Variants in C12orf56 observed in about 807,000 individuals in gnomAD.
C12orf56 encodes the protein uncharacterized protein C12orf56.
In C12orf56, 71 loss-of-function variants were observed where a neutral mutation model predicts 69.9. The observed-to-expected ratio is 1.02, with a 90% CI of 0.84 to 1.24. The LOEUF (loss-of-function observed/expected upper bound fraction) is 1.24. Ranked by LOEUF, C12orf56 falls within the 50% of genes most tolerant of loss-of-function variation. The pLI is 0.00. For synonymous variants in C12orf56, 276 were observed against 274.1 expected (o/e 1.01, Z -0.07); for missense variants, 732 against 738.5 (o/e 0.99, Z 0.10).
intron 6 of C12orf56, among the ~76,000 whole-genome samples, chr12:64,295,058 T>G (rs1344528406): frequency 6.6e-6 from 1 of 152,112 alleles, no homozygotes; most frequent in Admixed American, 6.6e-5. Flanking sequence ...AATTTTTGTA[T>G]TTTTAGTAAA....
intron 6 of C12orf56, among the ~76,000 whole-genome samples, chr12:64,302,472 A>G (rs956484236): frequency 2.6e-5 from 4 of 152,230 alleles, no homozygotes; most frequent in African/African-American, 9.6e-5. Context: ...AGAAGCTAAT[A>G]AATAGCCAGG....
rs149912541 is a variant in C12orf56 at position 64,311,014 on chromosome 12, C to T, written c.968+1665G>A. On this transcript the variant is annotated intron_variant, in intron 5 of 12. Transcript: ENST00000543942. ...ATAGTTTGCTCAGAATGATGGTTTC[C>T]AGCTTCATCCATGTCCCTACAAAGG... 1.8e-3 allele frequency among the ~76,000 whole-genome samples: 270 copies of T among 152,238 alleles called. 2 individuals are homozygous for T. The highest frequency in any genetic ancestry group is 6.3e-3 in the African/African-American group (262 of 41,536).
chr12:64,337,752 G>A lies in C12orf56; in HGVS notation c.416-6720C>T, dbSNP rs562907324. ...CATGCCTGTAATCCCAGCTGCTCAG[G>A]AGGCTGAGGCACAAGAATCACTTGA... On this transcript the variant is annotated intron_variant, in intron 2 of 12. Coordinates refer to ENST00000543942, the MANE Select transcript of C12orf56 (RefSeq NM_001170633.2). 2.0e-5 allele frequency among the ~76,000 whole-genome samples: 3 copies of A among 151,684 alleles called. No homozygotes were observed. The South Asian group carries it at 6.2e-4, about 32-fold the overall frequency.
At chr12:64,347,227 C>T (rs2039155907) in intron 2 of C12orf56, among the ~76,000 whole-genome samples, 1 of 151,788 alleles carries the variant, frequency 6.6e-6, no homozygotes, top group African/African-American at 2.4e-5. Flanking sequence ...ATCTACCCAC[C>T]TCAGCCTCCC....
chr12:64,387,967 G>A (rs1053466295), intron 1 of C12orf56, among the ~76,000 whole-genome samples: 3 of 151,978 alleles, frequency 2.0e-5, no homozygotes, highest in Non-Finnish European at 2.9e-5. Flanking sequence ...AAAGCTGAGC[G>A]TTCAAAGTTT....
chr12:64,378,414 G>A (rs185309622), intron 1 of C12orf56, among the ~76,000 whole-genome samples: 49 of 152,108 alleles, frequency 3.2e-4, no homozygotes, highest in African/African-American at 1.2e-3. Flanking sequence ...ACTAAGATGT[G>A]TGACTAAGTA....
intron 11 of C12orf56, 95 bp from the exon 12 acceptor site, chr12:64,270,809 C>T: frequency 1.0e-6 from 1 of 965,936 alleles, no homozygotes; most frequent in Non-Finnish European, 1.5e-6. Flanking sequence ...AGACTGAGGC[C>T]CTCACTACCC....
intron 1 of C12orf56, among the ~76,000 whole-genome samples, chr12:64,387,423 G>A (rs554880058): frequency 1.3e-5 from 2 of 152,304 alleles, no homozygotes; most frequent in African/African-American, 4.8e-5. Flanking sequence ...TGTCCAGAAA[G>A]CATGAATAAA....
chr12:64,360,396 G>A (rs1244457955), intron 1 of C12orf56, among the ~76,000 whole-genome samples: 2 of 152,122 alleles, frequency 1.3e-5, no homozygotes, highest in South Asian at 2.1e-4. Flanking sequence ...TTGCACCCTA[G>A]CCTGGGCGAC....
At chr12:64,276,776 T>C (rs549832800) in intron 9 of C12orf56, among the ~76,000 whole-genome samples, 1 of 152,032 alleles carries the variant, frequency 6.6e-6, no homozygotes, top group Admixed American at 6.6e-5. Flanking sequence ...GGCAAATCGC[T>C]TGAGCTCAGG....
At chr12:64,348,622 G>A (rs2039179863) in intron 2 of C12orf56, among the ~76,000 whole-genome samples, 1 of 152,098 alleles carries the variant, frequency 6.6e-6, no homozygotes, top group Non-Finnish European at 1.5e-5. Context: ...GAGGTAAACA[G>A]GATTACCTGA....
At chr12:64,301,545 C>G (rs977571388) in intron 6 of C12orf56, among the ~76,000 whole-genome samples, 2 of 152,100 alleles carry the variant, frequency 1.3e-5, no homozygotes, top group African/African-American at 4.8e-5. Context: ...TTTTCAGGAC[C>G]TTCCTTAGGT....
At chr12:64,301,322 A>G (rs1042180132) in intron 6 of C12orf56, among the ~76,000 whole-genome samples, 5 of 152,158 alleles carry the variant, frequency 3.3e-5, no homozygotes, top group Non-Finnish European at 7.3e-5. Context: ...GCATGACAAG[A>G]TAATGAAGGA....
intron 2 of C12orf56, among the ~76,000 whole-genome samples, chr12:64,347,484 C>T (rs931968914): frequency 1.8e-4 from 27 of 152,012 alleles, no homozygotes; most frequent in African/African-American, 6.5e-4. Flanking sequence ...CAGAGTTTCA[C>T]CATATTGGTC....
chr12:64,310,259 G>A (rs2038589851), intron 5 of C12orf56, among the ~76,000 whole-genome samples: 2 of 151,800 alleles, frequency 1.3e-5, no homozygotes, highest in Admixed American at 1.3e-4. Context: ...CTCCCACTTC[G>A]GTCTCCCAAA....
chr12:64,383,726 T>TA (rs142206674), intron 1 of C12orf56, among the ~76,000 whole-genome samples: 190 of 148,718 alleles, frequency 1.3e-3, no homozygotes, highest in African/African-American at 4.3e-3. Context: ...TGATACAATG[T>TA]AAAAAAAAAA....
At chr12:64,328,732 T>TATATAG (rs71092957) in intron 3 of C12orf56, among the ~76,000 whole-genome samples, 1,597 of 106,320 alleles carry the variant, frequency 0.015, 79 homozygotes, top group Middle Eastern at 0.023. Flanking sequence ...TATATATATA[T>TATATAG]ATATAGTATC....
chr12:64,274,839 G>A, intron 11 of C12orf56, 62 bp downstream of exon 11: 1 of 1,278,286 alleles, frequency 7.8e-7, no homozygotes, highest in Non-Finnish European at 1.1e-6. Flanking sequence ...TATTAATTAA[G>A]CACAAGAGTA....
intron 4 of C12orf56, among the ~76,000 whole-genome samples, chr12:64,314,211 G>A (rs998591936): frequency 6.6e-6 from 1 of 151,796 alleles, no homozygotes; most frequent in African/African-American, 2.4e-5. Context: ...TCAGCCTCCT[G>A]AATAGCTAGG....
Sources: gnomAD v4.1 joint callset for allele counts (sites outside exome capture counted in the v4.1 genomes callset) on GRCh38, gnomAD v4.1.1 for gene constraint, MANE v1.5 for transcripts, NCBI Gene and HGNC (gene_info 2026-07-23, HGNC 2026-07-21) for gene names.